Variants in NAA16 observed in about 807,000 individuals in gnomAD.
NAA16 encodes the protein NARG1-like protein.
A neutral mutation model predicts 110.3 loss-of-function variants in NAA16; 97 were observed. The ratio of observed to expected loss-of-function variants is 0.88; its 90% confidence interval spans 0.75 to 1.04. The LOEUF (loss-of-function observed/expected upper bound fraction) is 1.04. Ranked by LOEUF, NAA16 falls within the 50% of genes least tolerant of loss-of-function variation. The pLI, the probability that NAA16 is intolerant of heterozygous loss-of-function variation, is 0.00. For synonymous variants in NAA16, 372 were observed against 330.6 expected (o/e 1.13, Z -1.36); for missense variants, 1,017 against 1,005.1 (o/e 1.01, Z -0.16).
chr13:41,342,912 G>A (rs1255310633), intron 9 of NAA16, among the ~76,000 whole-genome samples: 1 of 152,106 alleles, frequency 6.6e-6, no homozygotes, highest in Non-Finnish European at 1.5e-5. Context: ...TTCTCAAATA[G>A]TAAAAGTGCT....
At chr13:41,324,863 T>C (rs2042047584) in intron 5 of NAA16, among the ~76,000 whole-genome samples, 1 of 150,334 alleles carries the variant, frequency 6.7e-6, no homozygotes, top group African/African-American at 2.5e-5. Flanking sequence ...TATACCACTG[T>C]GCCTGACAAT....
At chr13:41,368,489 C>T (rs1348186295) in intron 14 of NAA16, among the ~76,000 whole-genome samples, 1 of 152,146 alleles carries the variant, frequency 6.6e-6, no homozygotes. Flanking sequence ...GCAACATTTA[C>T]TGGCTGTCCT....
rs1429418447 is a variant in NAA16, at chr13:41,311,442, C to T, written c.-87C>T. ...TCGCCCGCAGCCCGACTCTCAGCAG[C>T]GGTTCGTCCCGGTGCCCACCCCCGC... On this transcript the variant is annotated 5_prime_UTR_variant, in exon 1 of 20. Transcript: ENST00000379406. 1 of 1,283,010 alleles carries T rather than the reference C, an allele frequency of 7.8e-7. No individual in the cohort carries two copies. The allele number at this position is 1,283,010 out of a possible 1,614,324, so 79.5% of individuals were successfully genotyped here. A position where few individuals can be genotyped will look rare whatever the true frequency, so the allele number is the denominator to read the frequency against.
Position 41,335,066 on chromosome 13 carries a change from A to G in NAA16, c.908-1584A>G, listed in dbSNP as rs1406438126. ...TTTTCATACCTGCACAATCTAATCAAATTTGTCAATATGATCTGAATAGAC... is the reference window on the plus strand; with the variant it reads ...TTTTCATACCTGCACAATCTAATCAGATTTGTCAATATGATCTGAATAGAC... On this transcript the variant is annotated intron_variant, in intron 8 of 19. Transcript: ENST00000379406. 5.3e-5 allele frequency among the ~76,000 whole-genome samples: 8 copies of G among 152,318 alleles called. No homozygotes were observed. In the South Asian group the frequency reaches 1.5e-3, roughly 28 times the overall value.
chr13:41,361,464 A>T (rs2043110895), intron 12 of NAA16, among the ~76,000 whole-genome samples: 1 of 152,258 alleles, frequency 6.6e-6, no homozygotes, highest in African/African-American at 2.4e-5. Context: ...AAGGCAGAAG[A>T]TAGGCAGTAC....
intron 10 of NAA16, among the ~76,000 whole-genome samples, chr13:41,357,919 C>A (rs1284649120): frequency 6.6e-6 from 1 of 152,138 alleles, no homozygotes; most frequent in Non-Finnish European, 1.5e-5. Flanking sequence ...TTTGGCAGTT[C>A]TTGCCTCTGC....
At chr13:41,361,245 A>G (rs1440168773) in intron 12 of NAA16, among the ~76,000 whole-genome samples, 1 of 152,188 alleles carries the variant, frequency 6.6e-6, no homozygotes, top group African/African-American at 2.4e-5. Context: ...GCCCACTGCA[A>G]AGGAGAAATA....
chr13:41,326,436 A>G (rs9532787), intron 6 of NAA16, among the ~76,000 whole-genome samples: 94,173 of 152,120 alleles, frequency 0.62, 32,264 homozygotes, highest in South Asian at 0.76. Flanking sequence ...ATACAATTGT[A>G]GAACCTCTGA....
At chr13:41,326,187 GTTAA>G (rs1332871078) in intron 6 of NAA16, among the ~76,000 whole-genome samples, 1 of 152,050 alleles carries the variant, frequency 6.6e-6, no homozygotes, top group African/African-American at 2.4e-5. Context: ...TCCATATATA[GTTAA>G]TTAAATACAG....
intron 6 of NAA16, among the ~76,000 whole-genome samples, chr13:41,328,339 G>C (rs1179833716): frequency 2.0e-5 from 3 of 152,172 alleles, no homozygotes; most frequent in East Asian, 3.9e-4. Flanking sequence ...TGAACTGATA[G>C]GAAAGATATA....
intron 9 of NAA16, among the ~76,000 whole-genome samples, chr13:41,351,916 A>G (rs1224456739): frequency 6.6e-6 from 1 of 152,228 alleles, no homozygotes; most frequent in African/African-American, 2.4e-5. Context: ...TTAATTTGTC[A>G]TATTACACAC....
At chr13:41,320,604 A>G in intron 3 of NAA16, 63 bp from the exon 4 acceptor site, 19 of 1,370,418 alleles carry the variant, frequency 1.4e-5, no homozygotes, top group Non-Finnish European at 1.8e-5. Context: ...TAACTTTTAT[A>G]TTAGATATGT....
chr13:41,312,867 A>T (rs1268312389), intron 1 of NAA16, among the ~76,000 whole-genome samples: 2 of 152,152 alleles, frequency 1.3e-5, no homozygotes, highest in East Asian at 3.8e-4. Context: ...AAATACGAAT[A>T]ATTAAAGCAC....
chr13:41,313,042 A>G (rs2041684790), intron 1 of NAA16, among the ~76,000 whole-genome samples: 1 of 151,902 alleles, frequency 6.6e-6, no homozygotes, highest in African/African-American at 2.4e-5. Flanking sequence ...ATAAATCGCT[A>G]GTTGGATTTC....
At chr13:41,358,513 C>G in intron 11 of NAA16, 40 bp downstream of exon 11, 1 of 1,607,466 alleles carries the variant, frequency 6.2e-7, no homozygotes, top group Non-Finnish European at 8.5e-7. Flanking sequence ...TTGAAGAATT[C>G]AGCTACTTTA....
intron 15 of NAA16, among the ~76,000 whole-genome samples, chr13:41,371,160 G>C (rs1319181470): frequency 6.6e-6 from 1 of 152,230 alleles, no homozygotes; most frequent in African/African-American, 2.4e-5. Context: ...AAGGCAACTT[G>C]ATGGAGATGA....
Position 41,328,834 on chromosome 13 carries a change from C to G in NAA16, c.802C>G (p.Leu268Val). 6 of 1,599,808 alleles carry G rather than the reference C, an allele frequency of 3.8e-6. No homozygotes were observed. Among genetic ancestry groups the G allele is most frequent in the Non-Finnish European group, 5.1e-6 (6 of 1,168,700 alleles). Residue 268 changes from leucine to valine, a missense_variant, in exon 7 of 20, where the codon CTA becomes GTA. Physicochemically the swap from Leu to Val is conservative, Grantham distance 32. Coordinates refer to ENST00000379406, the MANE Select transcript of NAA16 (RefSeq NM_024561.5). ...WCYYEGLEKA[L>V]QISTLEERLQ... Reference sequence around the variant, plus strand: ...TTATTATGAAGGCTTGGAAAAAGCTCTACAAATTAGTATGTAATGATTTTT... The same window carrying G: ...TTATTATGAAGGCTTGGAAAAAGCTGTACAAATTAGTATGTAATGATTTTT...
At chr13:41,349,288 T>G (rs1488536797) in intron 9 of NAA16, among the ~76,000 whole-genome samples, 2 of 152,048 alleles carry the variant, frequency 1.3e-5, no homozygotes, top group East Asian at 3.9e-4. Flanking sequence ...TGGGCTCAAG[T>G]GATCCTACTA....
At chr13:41,360,947 A>G (rs1280491519) in intron 12 of NAA16, among the ~76,000 whole-genome samples, 2 of 152,214 alleles carry the variant, frequency 1.3e-5, no homozygotes, top group Non-Finnish European at 2.9e-5. Context: ...CAGAAAATAC[A>G]TCAATAATTC....
Sources: gnomAD v4.1 joint callset for allele counts (sites outside exome capture counted in the v4.1 genomes callset) on GRCh38, gnomAD v4.1.1 for gene constraint, MANE v1.5 for transcripts, NCBI Gene and HGNC (gene_info 2026-07-23, HGNC 2026-07-21) for gene names.